Variants in RYR2 observed in about 807,000 individuals in gnomAD.
RYR2 encodes cardiac muscle ryanodine receptor-calcium release channel.
A neutral mutation model predicts 601.1 loss-of-function variants in RYR2; 227 were observed. The observed-to-expected ratio is 0.38, with a 90% CI of 0.34 to 0.42. The LOEUF (loss-of-function observed/expected upper bound fraction) is 0.42, where lower values mean the gene tolerates loss of function less well. Among genes scored for constraint, RYR2 ranks in the 10% least tolerant of loss-of-function variants. RYR2 has a pLI of 1.00. For synonymous variants in RYR2, 2,223 were observed against 2,175.1 expected, an observed-to-expected ratio of 1.02 and a Z score of -0.61; for missense variants, 4,646 against 6,156.5, an observed-to-expected ratio of 0.75 and a Z score of 8.21.
chr1:237,720,754 G>A (rs1029788108), intron 73 of RYR2, among the ~76,000 whole-genome samples: 29 of 152,290 alleles, frequency 1.9e-4, no homozygotes, highest in African/African-American at 7.0e-4. Flanking sequence ...GACAGAGAGT[G>A]CTCAGTACCT....
At chr1:237,475,170 A>G (rs1011306879) in intron 17 of RYR2, among the ~76,000 whole-genome samples, 5 of 152,252 alleles carry the variant, frequency 3.3e-5, no homozygotes, top group African/African-American at 1.2e-4. Context: ...GAGAAATTCA[A>G]TAAGTGAGCT....
intron 37 of RYR2, among the ~76,000 whole-genome samples, chr1:237,616,807 G>A (rs1179684755): frequency 6.6e-6 from 1 of 152,188 alleles, no homozygotes. Context: ...GTTCCACATG[G>A]CTGGGGAGGC....
At chr1:237,807,707 T>C (rs1311549590) in intron 99 of RYR2, among the ~76,000 whole-genome samples, 1 of 152,186 alleles carries the variant, frequency 6.6e-6, no homozygotes, top group Admixed American at 6.5e-5. Context: ...AGGTGAAACA[T>C]GCAGAAATTC....
At chr1:237,148,104 A>G (rs537297796) in intron 1 of RYR2, among the ~76,000 whole-genome samples, 10 of 152,260 alleles carry the variant, frequency 6.6e-5, no homozygotes, top group African/African-American at 2.4e-4. Context: ...TATGGTGGAG[A>G]TGACATGGGC....
At chr1:237,473,427 C>CTTTATT (rs1553464621) in intron 17 of RYR2, among the ~76,000 whole-genome samples, 1 of 102,532 alleles carries the variant, frequency 9.8e-6, no homozygotes, top group Non-Finnish European at 1.8e-5. Flanking sequence ...CCATCTCTCT[C>CTTTATT]TCTCTCTTTC....
intron 1 of RYR2, among the ~76,000 whole-genome samples, chr1:237,251,677 A>G (rs915781287): frequency 1.3e-5 from 2 of 152,166 alleles, no homozygotes; most frequent in Non-Finnish European, 2.9e-5. Context: ...TGTTCTTCAC[A>G]GGGATGAGTC....
At chr1:237,059,326 C>G (rs1662562539) in intron 1 of RYR2, among the ~76,000 whole-genome samples, 1 of 152,080 alleles carries the variant, frequency 6.6e-6, no homozygotes, top group Non-Finnish European at 1.5e-5. Flanking sequence ...CTGACCCAAA[C>G]AGAATCTGAT....
chr1:237,611,057 G>A (rs1191213750), intron 36 of RYR2, 69 bp downstream of exon 36: 92 of 1,379,574 alleles, frequency 6.7e-5, no homozygotes, highest in Non-Finnish European at 8.9e-5. Context: ...CGGGGCTTCC[G>A]GTAGTGGTGC....
chr1:237,359,534 A>G (rs1699593725), intron 4 of RYR2, among the ~76,000 whole-genome samples: 2 of 152,162 alleles, frequency 1.3e-5, no homozygotes, highest in Non-Finnish European at 2.9e-5. Context: ...TTACAAACTT[A>G]AATATATATG....
In RYR2 at chr1:237,787,984, A is replaced by T. The variant is rs757577119; in HGVS notation, c.13329-4A>T. 4 of 1,583,036 alleles carry T rather than the reference A, an allele frequency of 2.5e-6. No individual in the cohort carries two copies. Among genetic ancestry groups the T allele is most frequent in the Non-Finnish European group, 2.6e-6 (3 of 1,163,478 alleles). On this transcript the variant is annotated splice_polypyrimidine_tract_variant and splice_region_variant and intron_variant, in intron 91 of 104. Transcript: ENST00000366574. ...GCTTATGTTTTGTTTGTTTGTTTTC[A>T]TAGGGGAGAAGATGGAGAAAAAGAA...
chr1:237,762,566 A>G (rs1406743137), intron 84 of RYR2, among the ~76,000 whole-genome samples: 2 of 152,184 alleles, frequency 1.3e-5, no homozygotes, highest in Admixed American at 1.3e-4. Flanking sequence ...TCCCAAAAGG[A>G]ATAGCAGCCA....
At chr1:237,576,736 A>G (rs1355669165) in intron 29 of RYR2, among the ~76,000 whole-genome samples, 1 of 152,168 alleles carries the variant, frequency 6.6e-6, no homozygotes, top group Non-Finnish European at 1.5e-5. Flanking sequence ...GCTATTCACA[A>G]TGTGTACAAC....
chr1:237,115,232 CCA>C (rs1407644769), intron 1 of RYR2, among the ~76,000 whole-genome samples: 1 of 121,784 alleles, frequency 8.2e-6, no homozygotes, highest in Non-Finnish European at 1.9e-5. Context: ...TTCGTGGAAA[CCA>C]CACCCCCCCC....
intron 1 of RYR2, among the ~76,000 whole-genome samples, chr1:237,181,468 A>T (rs1383106674): frequency 6.6e-6 from 1 of 152,192 alleles, no homozygotes; most frequent in East Asian, 1.9e-4. Context: ...TTTAACATCC[A>T]TGCATGAGCT....
rs930394104 is a variant in RYR2 at position 237,441,468 on chromosome 1, A to T, written c.1155A>T (p.Gly385=). Residue 385 remains glycine, a synonymous_variant, in exon 13 of 105, where the codon GGA becomes GGT. Transcript: ENST00000366574. ...TGGACGTGAAATCCGTGAGAATGGG[A>T]TCTATACAACGTAAGGTAAGGTGAT... ...QSVDVKSVRM[G]SIQRKAIMHH... 1 of 1,585,752 alleles carries T rather than the reference A, an allele frequency of 6.3e-7. No individual in the cohort carries two copies. The highest frequency in any genetic ancestry group is 1.2e-5 in the South Asian group (1 of 85,120).
At chr1:237,798,597 A>ATTACT (rs540227783) in intron 97 of RYR2, among the ~76,000 whole-genome samples, 77 of 152,348 alleles carry the variant, frequency 5.1e-4, no homozygotes, top group Non-Finnish European at 9.4e-4. Context: ...AGGAACTCAT[A>ATTACT]TTACTTTACT....
intron 5 of RYR2, 145 bp from the exon 6 acceptor site, chr1:237,369,389 C>G: frequency 2.8e-6 from 2 of 720,868 alleles, no homozygotes; most frequent in Non-Finnish European, 5.0e-6. Context: ...ATTATTTCAA[C>G]AGCACTTTGC....
At chr1:237,110,355 G>C (rs1012033350) in intron 1 of RYR2, among the ~76,000 whole-genome samples, 3 of 151,596 alleles carry the variant, frequency 2.0e-5, no homozygotes, top group African/African-American at 7.3e-5. Flanking sequence ...ATGCTGGTGT[G>C]CTGCACCCAT....
At chr1:237,373,550 C>T (rs1166583407) in intron 6 of RYR2, among the ~76,000 whole-genome samples, 1 of 152,210 alleles carries the variant, frequency 6.6e-6, no homozygotes, top group African/African-American at 2.4e-5. Flanking sequence ...GTTCCTACCA[C>T]ATTCGTCTTT....
Sources: gnomAD v4.1 joint callset for allele counts (sites outside exome capture counted in the v4.1 genomes callset) on GRCh38, gnomAD v4.1.1 for gene constraint, MANE v1.5 for transcripts, NCBI Gene and HGNC (gene_info 2026-07-23, HGNC 2026-07-21) for gene names.